The following MDM2 variants were observed in gnomAD, a reference collection of about 807,000 sequenced individuals.
MDM2 encodes the protein E3 ubiquitin-protein ligase Mdm2.
Under a neutral mutation model 64.3 loss-of-function variants are expected in MDM2, and 11 were observed. That is an observed-to-expected ratio of 0.17 (90% CI 0.11 to 0.28). The LOEUF (loss-of-function observed/expected upper bound fraction) is 0.28, where lower values mean the gene tolerates loss of function less well. Ranked by LOEUF, MDM2 falls within the 10% of genes least tolerant of loss-of-function variation. The probability of loss-of-function intolerance (pLI) is 1.00; values close to 1 mark genes in which losing one functional copy is unlikely to be tolerated. For synonymous variants in MDM2, 194 were observed against 192.9 expected (o/e 1.01, Z -0.05); for missense variants, 388 against 577.1 (o/e 0.67, Z 3.36).
At chr12:68,828,504 G>A in intron 7 of MDM2, 1 of 319,986 alleles carries the variant, frequency 3.1e-6, no homozygotes, top group South Asian at 3.5e-5. Flanking sequence ...AGCCCATGAG[G>A]CAGAGGTTGC....
chr12:68,848,771 G>C (rs1884501492), downstream of MDM2: 1 of 152,154 alleles, frequency 6.6e-6, no homozygotes, highest in East Asian at 1.9e-4. Context: ...GGAGTGTAGT[G>C]GCATGATCTC....
At chr12:68,848,356 G>A (rs908560508), downstream of MDM2, 2 of 152,248 alleles carry the variant, frequency 1.3e-5, no homozygotes, top group African/African-American at 4.8e-5. Context: ...GTGGAGATGG[G>A]GTTTTGCCAT....
chr12:68,830,503 GC>G (rs2136152627), intron 8 of MDM2, among the ~76,000 whole-genome samples: 1 of 152,278 alleles, frequency 6.6e-6, no homozygotes, highest in East Asian at 1.9e-4. Flanking sequence ...AGATGGCACT[GC>G]AGATACAGTG....
At chr12:68,812,548 C>G (rs1370355762) in intron 2 of MDM2, among the ~76,000 whole-genome samples, 1 of 152,212 alleles carries the variant, frequency 6.6e-6, no homozygotes, top group East Asian at 1.9e-4. Context: ...TGTAAAACCT[C>G]TAGATAAGGG....
chr12:68,811,439 A>G (rs565122475), intron 2 of MDM2, among the ~76,000 whole-genome samples: 1 of 151,914 alleles, frequency 6.6e-6, no homozygotes, highest in South Asian at 2.1e-4. Context: ...ATATTCCTAT[A>G]TTTTCTTCTA....
intron 7 of MDM2, among the ~76,000 whole-genome samples, chr12:68,827,040 C>T (rs2136144788): frequency 6.6e-6 from 1 of 152,074 alleles, no homozygotes; most frequent in Admixed American, 6.5e-5. Flanking sequence ...TAGCCGGGCA[C>T]AGTGGTGGGC....
rs1472703056 is a variant in MDM2 at position 68,816,931 on chromosome 12, T to C, written c.294T>C (p.Ser98=). Residue 98 remains serine, a synonymous_variant, in exon 4 of 11, where the codon TCT becomes TCC. Transcript: ENST00000258149. ...ATTTGTTTGGCGTGCCAAGCTTCTC[T>C]GTGAAAGAGCACAGGTAATTCTTCA... ...LGDLFGVPSF[S]VKEHRKIYTM... The C allele has an allele frequency of 2.5e-6, 4 of 1,612,542 alleles. No individual in the cohort carries two copies. In the East Asian group the frequency reaches 8.9e-5, roughly 36 times the overall value.
Position 68,844,112 on chromosome 12 carries a change from G to A in MDM2, c.*4263G>A, listed in dbSNP as rs1884055669. 1 of 207,374 alleles carries A rather than the reference G, an allele frequency of 4.8e-6. No homozygotes were observed. The highest frequency in any genetic ancestry group is 1.9e-4 in the South Asian group (1 of 5,290). The allele number at this position is 207,374 out of a possible 1,614,324, so 12.8% of individuals were successfully genotyped here. On this transcript the variant is annotated 3_prime_UTR_variant, in exon 11 of 11. Coordinates refer to ENST00000258149, the MANE Select transcript of MDM2 (RefSeq NM_002392.6). ...TGCAAATGGATTCAACATGTTTATG[G>A]GTTATTAAAATTGTCTGATTTCTTA...
At chr12:68,832,110 C>T (rs1882845085) in intron 8 of MDM2, among the ~76,000 whole-genome samples, 1 of 152,122 alleles carries the variant, frequency 6.6e-6, no homozygotes, top group South Asian at 2.1e-4. Flanking sequence ...GGTTAAGTCC[C>T]TAGTTGTGAA....
intron 5 of MDM2, 45 bp from the exon 6 acceptor site, chr12:68,824,308 GCCCCGCCGCC>G: frequency 8.0e-7 from 1 of 1,251,580 alleles, no homozygotes; most frequent in Non-Finnish European, 1.2e-6. Flanking sequence ...ACTGAGTAGC[GCCCCGCCGCC>G]CCCCGCCCAC....
rs553196031 is a variant in MDM2 at position 68,838,882 on chromosome 12, CT to C, written c.919-389del. ...GAAAAAAATGGGTGTACTTACTCTA[CT>C]TTAGGAGAGACTGTTACATATTGAC... On this transcript the variant is annotated intron_variant, in intron 10 of 10. Coordinates refer to ENST00000258149, the MANE Select transcript of MDM2 (RefSeq NM_002392.6). 3.3e-5 allele frequency among the ~76,000 whole-genome samples: 5 copies of C among 150,104 alleles called. No homozygotes were observed. In the South Asian group the frequency reaches 1.0e-3, roughly 31 times the overall value.
Position 68,808,437 on chromosome 12 carries a change from G to GA in MDM2, c.-40dup. On this transcript the variant is annotated 5_prime_UTR_variant, in exon 1 of 11. Transcript: ENST00000258149. The stretch of plus-strand genomic sequence containing the variant: ...CGCGCGCCCCGTGAAGGAAACTGGG[G>GA]AGTCTTGAGGGACCCCCGACTCCAA... The GA allele has an allele frequency of 6.2e-7, 1 of 1,613,972 alleles. No individual in the cohort carries two copies. Among genetic ancestry groups the GA allele is most frequent in the Non-Finnish European group, 8.5e-7 (1 of 1,179,984 alleles).
rs113238461 is a variant in MDM2 at position 68,837,333 on chromosome 12, C to T, written c.918+584C>T. Among the ~76,000 whole-genome samples, 373 of 151,812 alleles carry T rather than the reference C, an allele frequency of 2.5e-3. 1 individual carries two copies. Among genetic ancestry groups the T allele is most frequent in the Middle Eastern group, 6.9e-3 (2 of 288 alleles). ...ATCACCCAGCTTTAACTATTACCAA[C>T]ATTTTGCCAACCTTGTCAAACGTAA... is the stretch of plus-strand genomic sequence containing the variant. On this transcript the variant is annotated intron_variant, in intron 10 of 10. Transcript: ENST00000258149.
In MDM2 at chr12:68,808,473, C is replaced by CCCGGATGGTG; in HGVS notation, c.-4_6dup. 6.2e-7 allele frequency: 1 copy of CCCGGATGGTG among 1,614,116 alleles called. No individual in the cohort carries two copies. Among genetic ancestry groups the CCCGGATGGTG allele is most frequent in the Non-Finnish European group, 8.5e-7 (1 of 1,180,004 alleles). ...GACCCCCGACTCCAAGCGCGAAAAC[C>CCCGGATGGTG]CCGGATGGTGAGGAGCAGGTACTGG... On this transcript the variant is annotated 5_prime_UTR_variant, in exon 1 of 11. In the 5' UTR this introduces an upstream ATG that the reference lacks. Transcript: ENST00000258149.
At position 68,839,616 on chromosome 12, in the gene MDM2, G is replaced by C; in HGVS notation, c.1261G>C (p.Glu421Gln). The change falls in exon 11 of 11, where the codon GAA (glutamate) becomes CAA (glutamine). Residue 421 changes from glutamate to glutamine, a missense_variant. Physicochemically the swap from Glu to Gln is conservative, Grantham distance 29 (BLOSUM62 2). Transcript: ENST00000258149. ...YSSQEDVKEFEREETQDKEES... is the reference protein window; with the variant it reads ...YSSQEDVKEFQREETQDKEES... The stretch of plus-strand genomic sequence containing the variant: ...CAGCCAAGAAGATGTGAAAGAGTTT[G>C]AAAGGGAAGAAACCCAAGACAAAGA... 6.2e-7 allele frequency: 1 copy of C among 1,613,466 alleles called. No homozygotes were observed. Among genetic ancestry groups the C allele is most frequent in the Non-Finnish European group, 8.5e-7 (1 of 1,179,970 alleles).
intron 1 of MDM2, 147 bp downstream of exon 1, chr12:68,808,638 G>C: frequency 8.0e-7 from 1 of 1,247,156 alleles, no homozygotes; most frequent in Non-Finnish European, 1.1e-6. Context: ...CATGGGGCAC[G>C]TGGCTTTGCG....
rs1425694038 is a variant in MDM2, at chr12:68,840,119, T to G, written c.*270T>G. 2 of 383,872 alleles carry G rather than the reference T, an allele frequency of 5.2e-6. No homozygotes were observed. The highest frequency in any genetic ancestry group is 9.3e-6 in the Non-Finnish European group (2 of 216,040). The allele number at this position is 383,872 out of a possible 1,614,324, so 23.8% of individuals were successfully genotyped here. The stretch of plus-strand genomic sequence containing the variant: ...GAGAAGTACTTGGTTTTTTTTTTTC[T>G]TAAATATGTATATGACATTTAAATG... On this transcript the variant is annotated 3_prime_UTR_variant, in exon 11 of 11. Coordinates refer to ENST00000258149, the MANE Select transcript of MDM2 (RefSeq NM_002392.6).
At chr12:68,849,805 G>T (rs977028973), downstream of MDM2, 2 of 151,244 alleles carry the variant, frequency 1.3e-5, no homozygotes, top group African/African-American at 4.9e-5. Context: ...TAGAGATGGG[G>T]TTTTGCTATG....
chr12:68,818,758 A>G (rs188694335), intron 4 of MDM2, among the ~76,000 whole-genome samples: 3 of 149,624 alleles, frequency 2.0e-5, no homozygotes, highest in Admixed American at 2.0e-4. Context: ...TGAATCTTCT[A>G]TTTTTTTTCT....
Sources: gnomAD v4.1 joint callset for allele counts (sites outside exome capture counted in the v4.1 genomes callset) on GRCh38, gnomAD v4.1.1 for gene constraint, MANE v1.5 for transcripts, NCBI Gene and HGNC (gene_info 2026-07-23, HGNC 2026-07-21) for gene names.